STK38: variants seen among roughly 807,000 people sequenced by gnomAD.
STK38 encodes serine/threonine kinase 38.
Under a neutral mutation model 59.0 loss-of-function variants are expected in STK38, and 26 were observed. That is an observed-to-expected ratio of 0.44 (90% CI 0.32 to 0.61). The LOEUF is 0.61. Ranked by LOEUF, STK38 falls within the 20% of genes least tolerant of loss-of-function variation. STK38 has a pLI of 0.04. For synonymous variants in STK38, 175 were observed against 176.6 expected, an observed-to-expected ratio of 0.99 and a Z score of 0.07; for missense variants, 433 against 566.0, an observed-to-expected ratio of 0.76 and a Z score of 2.38.
At chr6:36,530,417 T>G (rs962945646) in intron 2 of STK38, among the ~76,000 whole-genome samples, 1 of 151,042 alleles carries the variant, frequency 6.6e-6, no homozygotes, top group African/African-American at 2.4e-5. Context: ...CAGGCTGAAG[T>G]GCAGTGGTAC....
Position 36,495,782 on chromosome 6 carries a change from T to A in STK38, c.*2A>T. On this transcript the variant is annotated 3_prime_UTR_variant, in exon 14 of 14. Coordinates refer to ENST00000229812, the MANE Select transcript of STK38 (RefSeq NM_007271.4). ...TCCACATAGGATTCCGTGGCAAGAGTACTATTTTGCTGCTTTCATGTAGGA... is the reference window on the plus strand; with the variant it reads ...TCCACATAGGATTCCGTGGCAAGAGAACTATTTTGCTGCTTTCATGTAGGA... 1 of 1,613,786 alleles carries A rather than the reference T, an allele frequency of 6.2e-7. No individual in the cohort carries two copies. The highest frequency in any genetic ancestry group is 1.1e-5 in the South Asian group (1 of 91,080).
intron 8 of STK38, among the ~76,000 whole-genome samples, 193 bp from the exon 9 acceptor site, chr6:36,506,837 TA>T (rs1307022933): frequency 6.9e-6 from 1 of 145,414 alleles, no homozygotes; most frequent in African/African-American, 2.5e-5. Flanking sequence ...AGCATTAACT[TA>T]AAAGACTCAC....
chr6:36,541,720 T>C (rs1398248034), intron 1 of STK38, among the ~76,000 whole-genome samples: 1 of 152,242 alleles, frequency 6.6e-6, no homozygotes, highest in Non-Finnish European at 1.5e-5. Context: ...TTACTGTATA[T>C]GCACATAATT....
chr6:36,536,661 G>C (rs1777799820), intron 2 of STK38, among the ~76,000 whole-genome samples: 1 of 151,988 alleles, frequency 6.6e-6, no homozygotes, highest in Non-Finnish European at 1.5e-5. Flanking sequence ...AGCCTCCCGA[G>C]TAGCTGAGAT....
intron 1 of STK38, among the ~76,000 whole-genome samples, chr6:36,541,537 T>G (rs1413777325): frequency 6.6e-6 from 1 of 152,210 alleles, no homozygotes; most frequent in African/African-American, 2.4e-5. Flanking sequence ...TAGGGATAAC[T>G]TGAATATACA....
intron 2 of STK38, among the ~76,000 whole-genome samples, chr6:36,526,019 T>A (rs1777501920): frequency 6.6e-6 from 1 of 152,066 alleles, no homozygotes; most frequent in Non-Finnish European, 1.5e-5. Context: ...CCTGGCTAAT[T>A]TTTAAATTTT....
chr6:36,523,733 G>A (rs908409886), intron 4 of STK38, among the ~76,000 whole-genome samples: 57 of 152,214 alleles, frequency 3.7e-4, no homozygotes, highest in African/African-American at 1.2e-3. Flanking sequence ...CAAGAATTGC[G>A]GGGACAAAGT....
Position 36,497,812 on chromosome 6 carries a change from A to G in STK38, c.1140T>C (p.Ser380=). The G allele has an allele frequency of 6.2e-7, 1 of 1,613,846 alleles. No homozygotes were observed. The highest frequency in any genetic ancestry group is 8.5e-7 in the Non-Finnish European group (1 of 1,179,960). ...APGVEEIKSN[S]FFEGVDWEHI... ...GTTCCCAGTCAACGCCTTCAAAAAAAGAGTTACTTTTTATTTCCTCAACTC... is the reference window on the plus strand; with the variant it reads ...GTTCCCAGTCAACGCCTTCAAAAAAGGAGTTACTTTTTATTTCCTCAACTC... Residue 380 remains serine, a synonymous_variant, in exon 12 of 14, where the codon TCT becomes TCC. Transcript: ENST00000229812.
At chr6:36,504,113 G>A (rs1279680134) in intron 9 of STK38, among the ~76,000 whole-genome samples, 1 of 152,182 alleles carries the variant, frequency 6.6e-6, no homozygotes, top group Non-Finnish European at 1.5e-5. Context: ...GGTTTTAGAA[G>A]AAATAAAGCA....
At chr6:36,538,076 G>A (rs1045672372) in intron 2 of STK38, among the ~76,000 whole-genome samples, 3 of 151,910 alleles carry the variant, frequency 2.0e-5, no homozygotes, top group African/African-American at 7.3e-5. Flanking sequence ...TGTGGCAGGT[G>A]GATCACGAGG....
intron 7 of STK38, among the ~76,000 whole-genome samples, chr6:36,513,039 A>G (rs1777151401): frequency 1.3e-5 from 2 of 151,756 alleles, no homozygotes; most frequent in Admixed American, 6.6e-5. Flanking sequence ...ATTATTTTTT[A>G]GATGGAGTCT....
At chr6:36,523,079 C>A (rs1042761083) in intron 4 of STK38, among the ~76,000 whole-genome samples, 2 of 151,916 alleles carry the variant, frequency 1.3e-5, no homozygotes, top group African/African-American at 4.8e-5. Context: ...TCTCCCTGAA[C>A]CTTTCTTCAT....
At chr6:36,545,283 C>T (rs1177871350) in intron 1 of STK38, among the ~76,000 whole-genome samples, 6 of 122,368 alleles carry the variant, frequency 4.9e-5, no homozygotes, top group Non-Finnish European at 9.7e-5. Context: ...AGTGAGACTC[C>T]GTCTGGAAAA....
At chr6:36,513,166 C>T (rs1421888090) in intron 7 of STK38, among the ~76,000 whole-genome samples, 1 of 151,796 alleles carries the variant, frequency 6.6e-6, no homozygotes, top group Non-Finnish European at 1.5e-5. Context: ...ATTACAGGTG[C>T]CCATCACTAC....
intron 9 of STK38, among the ~76,000 whole-genome samples, chr6:36,505,098 T>C (rs1776933953): frequency 1.3e-5 from 2 of 152,114 alleles, no homozygotes; most frequent in Non-Finnish European, 1.5e-5. Flanking sequence ...ACTCAGTCTT[T>C]TAAAAACCAG....
chr6:36,524,402 G>C lies in STK38; in HGVS notation c.245C>G (p.Thr82Arg), dbSNP rs1454629225. The change falls in exon 4 of 14, where the codon ACA (threonine) becomes AGA (arginine). Residue 82 changes from threonine (T) to arginine (R), a missense_variant. By Grantham distance (71) the Thr-to-Arg change is moderately conservative (BLOSUM62 -1). Coordinates refer to ENST00000229812, the MANE Select transcript of STK38 (RefSeq NM_007271.4). The stretch of plus-strand genomic sequence containing the variant: ...CTCAAAATCTTCCAATCCAAGTCTT[G>C]TTCTCTTCAAACGAAGAAACTCTGT... ...KETEFLRLKR[T>R]RLGLEDFESL... 3 of 1,613,282 alleles carry C rather than the reference G, an allele frequency of 1.9e-6. No individual in the cohort carries two copies. In the African/African-American group the frequency reaches 4.0e-5, roughly 22 times the overall value.
intron 2 of STK38, among the ~76,000 whole-genome samples, chr6:36,536,433 G>A (rs1777792517): frequency 6.6e-6 from 1 of 152,176 alleles, no homozygotes; most frequent in Admixed American, 6.6e-5. Context: ...CTGGGAGGCT[G>A]AGGTGGGAGG....
chr6:36,528,603 G>A lies in STK38; in HGVS notation c.132-2961C>T, dbSNP rs553539567. On this transcript the variant is annotated intron_variant, in intron 2 of 13. Transcript: ENST00000229812. ...TGCATCTATGCGTGCACATGTATTAGAGAGAAAAGGCTGTACTCTTAGTAG... is the reference window on the plus strand; with the variant it reads ...TGCATCTATGCGTGCACATGTATTAAAGAGAAAAGGCTGTACTCTTAGTAG... Among the ~76,000 whole-genome samples, 610 of 152,298 alleles carry A rather than the reference G, an allele frequency of 4.0e-3. 9 individuals carry two copies. Among genetic ancestry groups the A allele is most frequent in the African/African-American group, 0.014 (579 of 41,564 alleles).
intron 2 of STK38, among the ~76,000 whole-genome samples, chr6:36,535,887 A>C (rs1777777053): frequency 6.6e-6 from 1 of 152,008 alleles, no homozygotes; most frequent in Non-Finnish European, 1.5e-5. Context: ...AAAAAAAAAA[A>C]AAAAAGCAAC....
Sources: gnomAD v4.1 joint callset for allele counts (sites outside exome capture counted in the v4.1 genomes callset) on GRCh38, gnomAD v4.1.1 for gene constraint, MANE v1.5 for transcripts, NCBI Gene and HGNC (gene_info 2026-07-23, HGNC 2026-07-21) for gene names.